The following SYNE1 variants were observed in gnomAD, a reference collection of about 807,000 sequenced individuals.
The protein encoded by SYNE1 is spectrin repeat containing nuclear envelope protein 1.
Under a neutral mutation model 1,111.0 loss-of-function variants are expected in SYNE1, and 616 were observed. The observed-to-expected ratio is 0.55, with a 90% confidence interval of 0.52 to 0.59. The LOEUF (loss-of-function observed/expected upper bound fraction) is 0.59. Among genes scored for constraint, SYNE1 ranks in the 20% least tolerant of loss-of-function variants. The probability of loss-of-function intolerance (pLI) is 0.00; values close to 1 mark genes in which losing one functional copy is unlikely to be tolerated. For synonymous variants in SYNE1, 3,855 were observed against 3,825.8 expected (o/e 1.01, Z -0.28); for missense variants, 10,006 against 10,417.0 (o/e 0.96, Z 1.72).
At chr6:152,579,124 C>T (rs774738549) in intron 3 of SYNE1, among the ~76,000 whole-genome samples, 30 of 152,232 alleles carry the variant, frequency 2.0e-4, no homozygotes, top group Non-Finnish European at 3.8e-4. Context: ...CCAAAGATGA[C>T]AACAATAATA....
At chr6:152,436,127 G>A (rs1294837010) in intron 32 of SYNE1, 26 bp from the exon 33 acceptor site, 2 of 1,611,606 alleles carry the variant, frequency 1.2e-6, no homozygotes, top group Non-Finnish European at 1.7e-6. Flanking sequence ...TGATCATTAG[G>A]TAGGCACTTT....
Position 152,628,429 on chromosome 6 carries a change from T to C in SYNE1, c.-98A>G, listed in dbSNP as rs2099690550. ...GAAAACATGCTTGGACTTTTCTAGA[T>C]CTATTCTGTCATAAATGAATTCCAG... On this transcript the variant is annotated 5_prime_UTR_variant, in exon 3 of 146. Transcript: ENST00000367255. 1 of 1,217,318 alleles carries C rather than the reference T, an allele frequency of 8.2e-7. No homozygotes were observed. Among genetic ancestry groups the C allele is most frequent in the Admixed American group, 1.7e-5 (1 of 58,770 alleles). The allele number at this position is 1,217,318 out of a possible 1,614,324, so 75.4% of individuals were successfully genotyped here.
chr6:152,233,716 A>G (rs2083321462), intron 112 of SYNE1, 65 bp downstream of exon 112: 3 of 1,590,104 alleles, frequency 1.9e-6, no homozygotes, highest in Non-Finnish European at 2.6e-6. Context: ...AAAGCAAATT[A>G]ATGTATTTCT....
intron 11 of SYNE1, among the ~76,000 whole-genome samples, chr6:152,490,750 T>C (rs2098965938): frequency 6.6e-6 from 1 of 152,164 alleles, no homozygotes; most frequent in Non-Finnish European, 1.5e-5. Context: ...TGACATTTGG[T>C]GCTGAAGATC....
At chr6:152,326,199 A>G (rs903714313) in intron 79 of SYNE1, 97 bp from the exon 80 acceptor site, 4 of 1,612,288 alleles carry the variant, frequency 2.5e-6, no homozygotes, top group African/African-American at 1.3e-5. Context: ...TCAGGGAAAA[A>G]TGAATTTACG....
rs997152435 is a variant in SYNE1 at position 152,416,554 on chromosome 6, C to T, written c.5883G>A (p.Arg1961=). The T allele has an allele frequency of 1.9e-6, 3 of 1,614,034 alleles. No homozygotes were observed. The highest frequency in any genetic ancestry group is 2.7e-5 in the African/African-American group (2 of 74,984). ...TADQLCGEVE[R]IQNLLGTKQS... is the part of the protein sequence containing the mutation. ...GCTTGGTTCCCAGAAGGTTCTGGAT[C>T]CTCTCTACCTCTCCACAGAGCTGAT... Residue 1961 remains arginine, a synonymous_variant, in exon 41 of 146, where the codon AGG becomes AGA. Coordinates refer to ENST00000367255, the MANE Select transcript of SYNE1 (RefSeq NM_182961.4).
chr6:152,219,597 C>T (rs576150480), intron 119 of SYNE1, among the ~76,000 whole-genome samples: 2 of 150,892 alleles, frequency 1.3e-5, no homozygotes, highest in Non-Finnish European at 2.9e-5. Flanking sequence ...AAATTGAAAA[C>T]AAAATGTTAT....
At chr6:152,480,208 T>C (rs1425444726) in intron 14 of SYNE1, among the ~76,000 whole-genome samples, 2 of 152,220 alleles carry the variant, frequency 1.3e-5, no homozygotes, top group Non-Finnish European at 2.9e-5. Context: ...AGGAAACTTA[T>C]AATTTTTAGT....
intron 108 of SYNE1, among the ~76,000 whole-genome samples, chr6:152,238,735 G>C (rs1305965031): frequency 6.6e-6 from 1 of 152,006 alleles, no homozygotes; most frequent in African/African-American, 2.4e-5. Flanking sequence ...GAACAGTTTA[G>C]GGCAACTGGT....
Position 152,350,297 on chromosome 6 carries a change from A to G in SYNE1, c.11772T>C (p.His3924=), listed in dbSNP as rs1166288033. 2 of 1,614,168 alleles carry G rather than the reference A, an allele frequency of 1.2e-6. No individual in the cohort carries two copies. The highest frequency in any genetic ancestry group is 8.5e-7 in the Non-Finnish European group (1 of 1,180,028). The part of the protein sequence containing the change: ...VFSLEAKVKD[H]EDYNSELQEV... ...CTTGGAGCTCACTGTTGTAGTCTTCATGGTCTTTGACTTTCGCCTCCAGAC... is the reference window on the plus strand; with the variant it reads ...CTTGGAGCTCACTGTTGTAGTCTTCGTGGTCTTTGACTTTCGCCTCCAGAC... The change falls in exon 72 of 146, where the codon CAT becomes CAC. Residue 3924 remains histidine, a synonymous_variant. Transcript: ENST00000367255.
chr6:152,396,249 G>C (rs1262446207), intron 50 of SYNE1, among the ~76,000 whole-genome samples: 1 of 152,196 alleles, frequency 6.6e-6, no homozygotes, highest in African/African-American at 2.4e-5. Context: ...AGCTCTCCAA[G>C]AAAGCTGGGC....
intron 127 of SYNE1, among the ~76,000 whole-genome samples, chr6:152,197,468 T>C (rs1374896210): frequency 6.6e-6 from 1 of 152,218 alleles, no homozygotes; most frequent in Non-Finnish European, 1.5e-5. Flanking sequence ...ATGGCAGCTA[T>C]AGCCTCACAA....
chr6:152,398,510 G>C (rs111274549), intron 49 of SYNE1, 109 bp downstream of exon 49: 1 of 874,112 alleles, frequency 1.1e-6, no homozygotes. Context: ...TGTTAGGGAC[G>C]AGGAAAAGAT....
chr6:152,484,090 T>C (rs1460090980), intron 13 of SYNE1, among the ~76,000 whole-genome samples: 1 of 146,122 alleles, frequency 6.8e-6, no homozygotes, highest in East Asian at 2.0e-4. Context: ...TACATGCCTG[T>C]GGTCCCAGCT....
chr6:152,254,094 C>T (rs1413899720), intron 104 of SYNE1, among the ~76,000 whole-genome samples: 1 of 151,168 alleles, frequency 6.6e-6, no homozygotes, highest in East Asian at 1.9e-4. Flanking sequence ...TAATATGGGG[C>T]TAAAAGGCAG....
At chr6:152,154,794 A>T (rs2061077510) in intron 133 of SYNE1, 98 bp downstream of exon 133, 1 of 1,360,990 alleles carries the variant, frequency 7.3e-7, no homozygotes, top group African/African-American at 1.4e-5. Context: ...TGAGCAGATA[A>T]CATGTGGTGA....
chr6:152,425,151 T>A (rs1008711217), intron 39 of SYNE1, among the ~76,000 whole-genome samples: 1 of 152,236 alleles, frequency 6.6e-6, no homozygotes. Context: ...CTATTTCAAC[T>A]GGTTTAATAA....
intron 69 of SYNE1, among the ~76,000 whole-genome samples, chr6:152,352,804 G>T (rs752732368): frequency 3.9e-5 from 6 of 152,182 alleles, no homozygotes; most frequent in Non-Finnish European, 8.8e-5. Context: ...GATTTGACGT[G>T]CCAGGAATCA....
At chr6:152,180,836 C>T (rs1246645622) in intron 128 of SYNE1, among the ~76,000 whole-genome samples, 2 of 152,034 alleles carry the variant, frequency 1.3e-5, no homozygotes, top group East Asian at 1.9e-4. Context: ...GGCAGGTGCC[C>T]CAAGGCTCAG....
Sources: gnomAD v4.1 joint callset for allele counts (sites outside exome capture counted in the v4.1 genomes callset) on GRCh38, gnomAD v4.1.1 for gene constraint, MANE v1.5 for transcripts, NCBI Gene and HGNC (gene_info 2026-07-23, HGNC 2026-07-21) for gene names.